Variants in GRAMD1B observed in about 807,000 individuals in gnomAD.
GRAMD1B encodes the protein protein Aster-B.
Under a neutral mutation model 99.7 loss-of-function variants are expected in GRAMD1B, and 37 were observed. The ratio of observed to expected loss-of-function variants is 0.37; its 90% CI spans 0.29 to 0.49. The LOEUF is 0.49. Ranked by LOEUF, GRAMD1B falls within the 20% of genes least tolerant of loss-of-function variation. The pLI, the probability that GRAMD1B is intolerant of heterozygous loss-of-function variation, is 0.98. For missense variants in GRAMD1B, 888 were observed against 1,009.2 expected (o/e 0.88, Z 1.63); for synonymous variants, 427 against 387.6 (o/e 1.10, Z -1.19).
Position 123,598,387 on chromosome 11 carries a change from G to A in GRAMD1B, c.970-2081G>A, listed in dbSNP as rs192462033. Reference sequence around the variant, plus strand: ...ATTTGCTCTTTTTCGTCTTCCTCTCGCTCTTCTCCTGTCCTTGCTTGCTCG... The same window carrying A: ...ATTTGCTCTTTTTCGTCTTCCTCTCACTCTTCTCCTGTCCTTGCTTGCTCG... On this transcript the variant is annotated intron_variant, in intron 7 of 19. Transcript: ENST00000635736. 1.7e-4 allele frequency: 163 copies of A among 963,972 alleles called. 1 individual carries two copies. The African/African-American group carries it at 2.2e-3, about 13-fold the overall frequency. The allele number at this position is 963,972 out of a possible 1,614,324, so 59.7% of individuals were successfully genotyped here.
chr11:123,565,879 C>G (rs1028595627), intron 2 of GRAMD1B, among the ~76,000 whole-genome samples: 1 of 152,248 alleles, frequency 6.6e-6, no homozygotes, highest in Non-Finnish European at 1.5e-5. Context: ...GGAAATTATA[C>G]AACACCAGTA....
chr11:123,577,321 C>T, intron 2 of GRAMD1B, 46 bp from the exon 3 acceptor site: 1 of 1,477,422 alleles, frequency 6.8e-7, no homozygotes, highest in Non-Finnish European at 9.3e-7. Flanking sequence ...GCCTTTCCTC[C>T]TCCTTCTCTT....
chr11:123,365,403 C>T (rs185395785), intron 1 of GRAMD1B, among the ~76,000 whole-genome samples: 28 of 152,290 alleles, frequency 1.8e-4, no homozygotes, highest in Middle Eastern at 3.4e-3. Context: ...AGGCACGTGC[C>T]ACCATGCCCA....
intron 2 of GRAMD1B, among the ~76,000 whole-genome samples, chr11:123,543,374 C>T (rs1591911475): frequency 1.3e-5 from 2 of 152,148 alleles, no homozygotes; most frequent in African/African-American, 4.8e-5. Context: ...AAAGAACAGA[C>T]CTGAAACCTC....
At chr11:123,377,800 A>T (rs1946739682) in intron 1 of GRAMD1B, among the ~76,000 whole-genome samples, 1 of 152,204 alleles carries the variant, frequency 6.6e-6, no homozygotes, top group South Asian at 2.1e-4. Flanking sequence ...CTTGAGGAGA[A>T]AGATTAGCCA....
chr11:123,538,117 G>T (rs982145114), intron 2 of GRAMD1B, among the ~76,000 whole-genome samples: 3 of 152,102 alleles, frequency 2.0e-5, no homozygotes, highest in Non-Finnish European at 4.4e-5. Context: ...GACGGGCTAA[G>T]CTTCATGCAT....
chr11:123,437,510 C>A (rs1254023045), intron 1 of GRAMD1B, among the ~76,000 whole-genome samples: 3 of 152,166 alleles, frequency 2.0e-5, no homozygotes, highest in African/African-American at 4.8e-5. Context: ...GCCCAGTATA[C>A]CTTCACTGTT....
At chr11:123,528,484 G>A (rs1009897532) in intron 2 of GRAMD1B, among the ~76,000 whole-genome samples, 1 of 152,186 alleles carries the variant, frequency 6.6e-6, no homozygotes. Context: ...GGAGCTCACA[G>A]TGTTATGATA....
At position 123,486,480 on chromosome 11, in the gene GRAMD1B, G is replaced by A. The variant is rs116459030; in HGVS notation, c.452+5587G>A. On this transcript the variant is annotated intron_variant, in intron 2 of 19. Transcript: ENST00000635736. Reference sequence around the variant, plus strand: ...ACAAGATCCCTTGAGCATGGGAGGCGAAGGTTGTAATGAGCCTAGACTGTG... The same window carrying A: ...ACAAGATCCCTTGAGCATGGGAGGCAAAGGTTGTAATGAGCCTAGACTGTG... Among the ~76,000 whole-genome samples the A allele has an allele frequency of 9.5e-3, 1,436 of 150,790 alleles. 24 individuals are homozygous for A. Among genetic ancestry groups the A allele is most frequent in the African/African-American group, 0.033 (1,346 of 40,994 alleles).
intron 2 of GRAMD1B, among the ~76,000 whole-genome samples, chr11:123,550,222 T>G (rs1945475277): frequency 6.6e-6 from 1 of 152,186 alleles, no homozygotes; most frequent in African/African-American, 2.4e-5. Flanking sequence ...TTTACTTTCC[T>G]CCTGGGTCTT....
rs576150515 is a variant in GRAMD1B, at chr11:123,615,711, G to A, written c.2318+876G>A. On this transcript the variant is annotated intron_variant, in intron 17 of 19. Transcript: ENST00000635736. ...TAACAGTTCCAGGTATGTCTCAGGTGCCATAGGTTATCCAGGAAGAGGTGA... is the reference window on the plus strand; with the variant it reads ...TAACAGTTCCAGGTATGTCTCAGGTACCATAGGTTATCCAGGAAGAGGTGA... Among the ~76,000 whole-genome samples, 47 of 152,374 alleles carry A rather than the reference G, an allele frequency of 3.1e-4. 1 individual carries two copies. In the South Asian group the frequency reaches 8.5e-3, roughly 28 times the overall value.
intron 19 of GRAMD1B, among the ~76,000 whole-genome samples, chr11:123,620,958 T>C (rs1388245801): frequency 6.6e-6 from 1 of 152,182 alleles, no homozygotes; most frequent in Non-Finnish European, 1.5e-5. Flanking sequence ...TTGGACTAGA[T>C]GACCCAGGGG....
intron 7 of GRAMD1B, 25 bp from the exon 8 acceptor site, chr11:123,600,443 A>G: frequency 7.0e-7 from 1 of 1,434,206 alleles, no homozygotes; most frequent in Non-Finnish European, 9.8e-7. Context: ...ACAGATATTT[A>G]TTGTTATTTT....
intron 1 of GRAMD1B, among the ~76,000 whole-genome samples, chr11:123,419,211 A>T (rs990465280): frequency 6.6e-6 from 1 of 152,224 alleles, no homozygotes; most frequent in African/African-American, 2.4e-5. Flanking sequence ...GGAATGCTCT[A>T]GAGTCTTAGA....
chr11:123,523,766 A>G (rs1942423712), intron 2 of GRAMD1B, among the ~76,000 whole-genome samples: 1 of 152,216 alleles, frequency 6.6e-6, no homozygotes, highest in Admixed American at 6.5e-5. Context: ...TGAGTGAATT[A>G]TCTAGGTCAT....
At chr11:123,574,449 G>A (rs1356493470) in intron 2 of GRAMD1B, among the ~76,000 whole-genome samples, 1 of 152,180 alleles carries the variant, frequency 6.6e-6, no homozygotes, top group Non-Finnish European at 1.5e-5. Flanking sequence ...CACTCAACTG[G>A]CTATTTATTG....
At chr11:123,548,317 T>TAC (rs1298307128) in intron 2 of GRAMD1B, among the ~76,000 whole-genome samples, 5 of 96,924 alleles carry the variant, frequency 5.2e-5, no homozygotes, top group South Asian at 5.8e-4. Flanking sequence ...TATATATATA[T>TAC]ATATATATAC....
intron 1 of GRAMD1B, among the ~76,000 whole-genome samples, chr11:123,464,526 C>T (rs1422131571): frequency 3.9e-5 from 6 of 152,058 alleles, no homozygotes; most frequent in Admixed American, 2.6e-4. Flanking sequence ...CATTTGTCAG[C>T]ACAGATAAAG....
intron 2 of GRAMD1B, among the ~76,000 whole-genome samples, chr11:123,503,508 G>T (rs1330624472): frequency 6.6e-6 from 1 of 151,664 alleles, no homozygotes; most frequent in Non-Finnish European, 1.5e-5. Context: ...TTGATTGAAT[G>T]TGCCTATTAT....
Sources: gnomAD v4.1 joint callset for allele counts (sites outside exome capture counted in the v4.1 genomes callset) on GRCh38, gnomAD v4.1.1 for gene constraint, MANE v1.5 for transcripts, NCBI Gene and HGNC (gene_info 2026-07-23, HGNC 2026-07-21) for gene names.